SEMA5A: variants seen among roughly 807,000 people sequenced by gnomAD.
SEMA5A encodes the protein semaphorin 5A.
In SEMA5A, 55 loss-of-function variants were observed where a neutral mutation model predicts 135.5. The observed-to-expected ratio is 0.41, with a 90% CI of 0.33 to 0.51. SEMA5A has a LOEUF of 0.51. SEMA5A is among the 20% of genes least tolerant of loss of function. The pLI is 0.37. For synonymous variants in SEMA5A, 580 were observed against 546.5 expected (o/e 1.06, Z -0.85); for missense variants, 1,290 against 1,419.9 (o/e 0.91, Z 1.47).
chr5:9,079,768 T>C (rs1738268696), intron 16 of SEMA5A, among the ~76,000 whole-genome samples: 1 of 152,158 alleles, frequency 6.6e-6, no homozygotes, highest in Admixed American at 6.5e-5. Flanking sequence ...AAAGAAGACA[T>C]TTATGCAGGC....
chr5:9,407,371 A>G (rs1029789530), intron 2 of SEMA5A, among the ~76,000 whole-genome samples: 21 of 152,272 alleles, frequency 1.4e-4, no homozygotes, highest in African/African-American at 5.1e-4. Context: ...CTGAATTAGT[A>G]CAACACAATT....
At chr5:9,364,154 T>C (rs753017099) in intron 3 of SEMA5A, among the ~76,000 whole-genome samples, 1 of 152,226 alleles carries the variant, frequency 6.6e-6, no homozygotes. Context: ...TTAACAACCA[T>C]GTAAATTTAT....
At chr5:9,399,261 T>C (rs1360681197) in intron 2 of SEMA5A, among the ~76,000 whole-genome samples, 1 of 152,210 alleles carries the variant, frequency 6.6e-6, no homozygotes, top group Non-Finnish European at 1.5e-5. Flanking sequence ...AATGAAGTGT[T>C]ATTCAGCCAG....
rs1487278349 is a variant in SEMA5A, at chr5:9,037,281, C to CTTGA, written c.*5612_*5615dup. 3 of 152,158 alleles carry CTTGA rather than the reference C, an allele frequency of 2.0e-5. No homozygotes were observed. The highest frequency in any genetic ancestry group is 7.2e-5 in the African/African-American group (3 of 41,438). The allele number at this position is 152,158 out of a possible 1,614,324, so 9.4% of individuals were successfully genotyped here. A position where few individuals can be genotyped will look rare whatever the true frequency, so the allele number is the denominator to read the frequency against. On this transcript the variant is annotated 3_prime_UTR_variant, in exon 23 of 23. Transcript: ENST00000382496. The stretch of plus-strand genomic sequence containing the variant: ...ATTGACTCCGATTGCAGGGAGTAAG[C>CTTGA]TTGATTGCCTTTCTATGGCAGATAT...
At chr5:9,374,766 G>T (rs1755289631) in intron 3 of SEMA5A, among the ~76,000 whole-genome samples, 2 of 152,036 alleles carry the variant, frequency 1.3e-5, no homozygotes, top group South Asian at 4.2e-4. Context: ...CCAAGACAGA[G>T]ATCTTCAGGA....
At chr5:9,323,139 C>A (rs1381856071) in intron 4 of SEMA5A, among the ~76,000 whole-genome samples, 1 of 152,050 alleles carries the variant, frequency 6.6e-6, no homozygotes, top group Non-Finnish European at 1.5e-5. Context: ...TAAGAATATC[C>A]CTATTTCTTA....
chr5:9,266,019 G>A (rs1012253331), intron 5 of SEMA5A, among the ~76,000 whole-genome samples: 1 of 152,080 alleles, frequency 6.6e-6, no homozygotes, highest in Non-Finnish European at 1.5e-5. Flanking sequence ...CCCACTTACC[G>A]CGAAAAAATC....
At chr5:9,415,534 C>G (rs1757253948) in intron 2 of SEMA5A, among the ~76,000 whole-genome samples, 1 of 152,088 alleles carries the variant, frequency 6.6e-6, no homozygotes, top group Non-Finnish European at 1.5e-5. Flanking sequence ...TTATCTTTTC[C>G]ATTAACATCA....
intron 1 of SEMA5A, chr5:9,511,192 A>G (rs1293422861): frequency 6.6e-6 from 1 of 152,226 alleles, no homozygotes; most frequent in East Asian, 1.9e-4. Flanking sequence ...TTTTATAGGT[A>G]TATTTACAAC....
intron 15 of SEMA5A, among the ~76,000 whole-genome samples, chr5:9,110,117 C>T (rs945172598): frequency 1.6e-4 from 24 of 152,022 alleles, no homozygotes; most frequent in Non-Finnish European, 2.4e-4. Flanking sequence ...GAGTAAAGCA[C>T]GAAAGATCAT....
intron 1 of SEMA5A, among the ~76,000 whole-genome samples, chr5:9,511,568 C>T (rs966403399): frequency 2.6e-5 from 4 of 152,046 alleles, no homozygotes; most frequent in African/African-American, 9.7e-5. Flanking sequence ...CCTCTGTAAC[C>T]TGAAATATTG....
At chr5:9,447,476 C>G (rs753063410) in intron 1 of SEMA5A, among the ~76,000 whole-genome samples, 1 of 152,200 alleles carries the variant, frequency 6.6e-6, no homozygotes, top group Non-Finnish European at 1.5e-5. Context: ...AATGACCTGT[C>G]AGGTCTTTCA....
intron 11 of SEMA5A, among the ~76,000 whole-genome samples, chr5:9,182,149 G>GCCTC (rs1744551240): frequency 8.1e-6 from 1 of 123,082 alleles, no homozygotes; most frequent in African/African-American, 3.6e-5. Flanking sequence ...TATTGCTTCT[G>GCCTC]CCCCCCACCC....
chr5:9,410,876 A>G (rs2126603399), intron 2 of SEMA5A, among the ~76,000 whole-genome samples: 1 of 151,684 alleles, frequency 6.6e-6, no homozygotes, highest in South Asian at 2.1e-4. Flanking sequence ...AAAGCAGGAA[A>G]AAAAAAAAAG....
chr5:9,283,874 C>T (rs1169175844), intron 5 of SEMA5A, among the ~76,000 whole-genome samples: 2 of 152,116 alleles, frequency 1.3e-5, no homozygotes, highest in African/African-American at 4.8e-5. Flanking sequence ...GTGACTGTTC[C>T]CAAACTTCAC....
intron 6 of SEMA5A, among the ~76,000 whole-genome samples, chr5:9,231,126 GAGC>G (rs954371770): frequency 2.6e-5 from 4 of 152,160 alleles, no homozygotes; most frequent in Non-Finnish European, 5.9e-5. Flanking sequence ...TTTAGCTTTT[GAGC>G]AGAAGATAAA....
rs1204019581 is a variant in SEMA5A at position 9,072,866 on chromosome 5, A to G, written c.2074-6220T>C. On this transcript the variant is annotated intron_variant, in intron 16 of 22. Transcript: ENST00000382496. ...CCGGATATGGAAAGAGGCCAAAAAC[A>G]TGACCCGTAATGAAGAGAAAAATCA... Among the ~76,000 whole-genome samples the G allele has an allele frequency of 2.0e-5, 3 of 152,224 alleles. No homozygotes were observed. The South Asian group carries it at 6.2e-4, about 32-fold the overall frequency.
rs1278818524 is a variant in SEMA5A at position 9,130,679 on chromosome 5, T to C, written c.1599+5825A>G. ...TGGCACTGAGCACACGTTCCAGACA[T>C]ACAAGTAAACCTTAGTTCTCTTTTC... On this transcript the variant is annotated intron_variant, in intron 13 of 22. Transcript: ENST00000382496. Among the ~76,000 whole-genome samples, 4 of 152,194 alleles carry C rather than the reference T, an allele frequency of 2.6e-5. No individual in the cohort carries two copies. The East Asian group carries it at 5.8e-4, about 22-fold the overall frequency.
chr5:9,182,101 G>T (rs147941431), intron 11 of SEMA5A, among the ~76,000 whole-genome samples: 2 of 148,972 alleles, frequency 1.3e-5, no homozygotes, highest in East Asian at 2.0e-4. Flanking sequence ...TTCCTGTTTC[G>T]TTTTTTCCTA....
Sources: gnomAD v4.1 joint callset for allele counts (sites outside exome capture counted in the v4.1 genomes callset) on GRCh38, gnomAD v4.1.1 for gene constraint, MANE v1.5 for transcripts, NCBI Gene and HGNC (gene_info 2026-07-23, HGNC 2026-07-21) for gene names.